RUNDC3B: variants seen among roughly 807,000 people sequenced by gnomAD.
RUNDC3B encodes RUN domain containing 3B.
A neutral mutation model predicts 58.4 loss-of-function variants in RUNDC3B; 33 were observed. The observed-to-expected ratio is 0.56, with a 90% confidence interval of 0.43 to 0.75. The LOEUF is 0.75. Among genes scored for constraint, RUNDC3B ranks in the 30% least tolerant of loss-of-function variants. The probability of loss-of-function intolerance (pLI) is 0.00; values close to 1 mark genes in which losing one functional copy is unlikely to be tolerated. For synonymous variants in RUNDC3B, 193 were observed against 195.2 expected (o/e 0.99, Z 0.10); for missense variants, 501 against 535.7 (o/e 0.94, Z 0.64).
intron 1 of RUNDC3B, among the ~76,000 whole-genome samples, chr7:87,642,191 A>G (rs1822526629): frequency 6.6e-6 from 1 of 152,060 alleles, no homozygotes; most frequent in African/African-American, 2.4e-5. Flanking sequence ...ACATATATAT[A>G]TATTTTTAAA....
intron 2 of RUNDC3B, among the ~76,000 whole-genome samples, chr7:87,675,554 A>G (rs575955624): frequency 3.3e-5 from 5 of 150,578 alleles, no homozygotes; most frequent in South Asian, 2.1e-4. Context: ...ATGTATGCAT[A>G]TTATGGTCAA....
intron 4 of RUNDC3B, among the ~76,000 whole-genome samples, chr7:87,738,378 G>T (rs151135838): frequency 6.6e-6 from 1 of 151,932 alleles, no homozygotes; most frequent in Non-Finnish European, 1.5e-5. Flanking sequence ...TGTTAGGCCA[G>T]AAGTTTTCAT....
intron 3 of RUNDC3B, among the ~76,000 whole-genome samples, chr7:87,702,117 TG>T (rs1829113201): frequency 9.4e-6 from 1 of 105,912 alleles, no homozygotes; most frequent in Non-Finnish European, 1.7e-5. Context: ...CACTCCAGCC[TG>T]GGCAAAAGAG....
chr7:87,819,263 C>CTTAA (rs1837266685), intron 10 of RUNDC3B, among the ~76,000 whole-genome samples: 1 of 152,012 alleles, frequency 6.6e-6, no homozygotes, highest in Non-Finnish European at 1.5e-5. Context: ...CTTAAGCACC[C>CTTAA]AGGGTACACC....
At chr7:87,732,306 A>G (rs1383884775) in intron 4 of RUNDC3B, among the ~76,000 whole-genome samples, 1 of 152,164 alleles carries the variant, frequency 6.6e-6, no homozygotes, top group Non-Finnish European at 1.5e-5. Flanking sequence ...AAAAAGTAGA[A>G]AAACTTGAAA....
At chr7:87,706,145 C>T (rs563179706) in intron 3 of RUNDC3B, among the ~76,000 whole-genome samples, 2 of 152,308 alleles carry the variant, frequency 1.3e-5, no homozygotes, top group South Asian at 4.1e-4. Flanking sequence ...TTACATCAGC[C>T]ATCCACATAT....
chr7:87,682,195 T>A (rs904622142), intron 2 of RUNDC3B, among the ~76,000 whole-genome samples: 1 of 152,240 alleles, frequency 6.6e-6, no homozygotes, highest in African/African-American at 2.4e-5. Context: ...CTACTTCTAG[T>A]TCTCTTGCGA....
At chr7:87,819,059 A>G (rs1461461603) in intron 10 of RUNDC3B, among the ~76,000 whole-genome samples, 1 of 152,180 alleles carries the variant, frequency 6.6e-6, no homozygotes, top group Non-Finnish European at 1.5e-5. Flanking sequence ...TAAAGTACAC[A>G]GACACACAGA....
chr7:87,805,642 T>C (rs1365874703), intron 8 of RUNDC3B, among the ~76,000 whole-genome samples: 1 of 152,186 alleles, frequency 6.6e-6, no homozygotes, highest in Non-Finnish European at 1.5e-5. Flanking sequence ...ATAAAACTTT[T>C]CACTTTCCAG....
rs781615567 is a variant in RUNDC3B, at chr7:87,700,555, G to T, written c.372+1G>T. ...AAATGTCAGTTCTTCTAGAGCTAAG[G>T]TAAGACATTGGTCAGAGACTCGTTT... On this transcript the variant is annotated splice_donor_variant, in intron 3 of 10. Coordinates refer to ENST00000394654, the MANE Select transcript of RUNDC3B (RefSeq NM_001134405.2). LOFTEE classifies it high-confidence loss of function. 2 of 1,607,280 alleles carry T rather than the reference G, an allele frequency of 1.2e-6. No homozygotes were observed.
rs2130986770 is a variant in RUNDC3B, at chr7:87,831,085, TTTTTA to T, written c.*1056_*1060del. 1.3e-5 allele frequency: 2 copies of T among 151,696 alleles called. No individual in the cohort carries two copies. Among genetic ancestry groups the T allele is most frequent in the East Asian group, 3.9e-4 (2 of 5,176 alleles). 9.4% of individuals were successfully genotyped at this position (151,696 alleles called of 1,614,324 possible). ...TACACAGGTAAAATTAGTTTTTTTT[TTTTTA>T]AAGTTGTAATCTGTACTTTTTTTTT... is the stretch of plus-strand genomic sequence containing the variant. On this transcript the variant is annotated 3_prime_UTR_variant, in exon 11 of 11. Transcript: ENST00000394654.
At chr7:87,746,620 T>C (rs1832656494) in intron 6 of RUNDC3B, among the ~76,000 whole-genome samples, 2 of 152,238 alleles carry the variant, frequency 1.3e-5, no homozygotes, top group African/African-American at 4.8e-5. Context: ...TTGTCTGATA[T>C]AAGAATAGCT....
At chr7:87,725,456 T>A (rs1831166905) in intron 4 of RUNDC3B, among the ~76,000 whole-genome samples, 1 of 152,250 alleles carries the variant, frequency 6.6e-6, no homozygotes, top group Admixed American at 6.5e-5. Flanking sequence ...TTCCATGGTG[T>A]ATGTGTGCCA....
chr7:87,726,288 C>A (rs2130784483), intron 4 of RUNDC3B, among the ~76,000 whole-genome samples: 1 of 152,260 alleles, frequency 6.6e-6, no homozygotes, highest in Non-Finnish European at 1.5e-5. Context: ...AGGAAGGGAT[C>A]CAGTTTCAGC....
intron 2 of RUNDC3B, among the ~76,000 whole-genome samples, chr7:87,698,079 A>G (rs1828654875): frequency 6.6e-6 from 1 of 152,198 alleles, no homozygotes; most frequent in South Asian, 2.1e-4. Context: ...TGTAAGTAGC[A>G]AAATTTTATT....
intron 6 of RUNDC3B, among the ~76,000 whole-genome samples, chr7:87,751,838 C>A (rs1409739544): frequency 6.6e-6 from 1 of 152,168 alleles, no homozygotes; most frequent in East Asian, 1.9e-4. Context: ...AATTTGACTT[C>A]CTCTTTTCCT....
At chr7:87,809,065 G>T (rs1836577164) in intron 9 of RUNDC3B, among the ~76,000 whole-genome samples, 1 of 152,142 alleles carries the variant, frequency 6.6e-6, no homozygotes, top group Admixed American at 6.5e-5. Context: ...CCAGTAAGAA[G>T]TCTAAAGTGG....
chr7:87,644,866 A>T (rs1360636562), intron 1 of RUNDC3B, among the ~76,000 whole-genome samples: 1 of 151,924 alleles, frequency 6.6e-6, no homozygotes, highest in Non-Finnish European at 1.5e-5. Context: ...ATTATTTTTG[A>T]TTTGTCCTCA....
intron 2 of RUNDC3B, among the ~76,000 whole-genome samples, chr7:87,691,635 T>C (rs1828023693): frequency 6.6e-6 from 1 of 152,220 alleles, no homozygotes; most frequent in African/African-American, 2.4e-5. Flanking sequence ...CTTGTTTATT[T>C]AAAGAGCAGC....
Sources: gnomAD v4.1 joint callset for allele counts (sites outside exome capture counted in the v4.1 genomes callset) on GRCh38, gnomAD v4.1.1 for gene constraint, MANE v1.5 for transcripts, NCBI Gene and HGNC (gene_info 2026-07-23, HGNC 2026-07-21) for gene names.